The following FTO variants were observed in gnomAD, a reference collection of about 807,000 sequenced individuals.
The protein encoded by FTO is alpha-ketoglutarate-dependent dioxygenase FTO.
A neutral mutation model predicts 63.9 loss-of-function variants in FTO; 47 were observed. The observed-to-expected ratio is 0.74, with a 90% CI of 0.58 to 0.94. The LOEUF is 0.94. FTO is among the 40% of genes least tolerant of loss of function. The probability of loss-of-function intolerance (pLI) is 0.00; values close to 1 mark genes in which losing one functional copy is unlikely to be tolerated. For synonymous variants in FTO, 207 were observed against 224.4 expected (o/e 0.92, Z 0.69); for missense variants, 562 against 618.1 (o/e 0.91, Z 0.96).
chr16:54,062,132 A>G (rs1157550324), intron 8 of FTO, among the ~76,000 whole-genome samples: 1 of 152,246 alleles, frequency 6.6e-6, no homozygotes, highest in East Asian at 1.9e-4. Flanking sequence ...GCTCCATTTA[A>G]AAACAGAAAA....
chr16:53,932,983 A>G (rs1290024122), intron 7 of FTO, among the ~76,000 whole-genome samples: 1 of 152,208 alleles, frequency 6.6e-6, no homozygotes, highest in African/African-American at 2.4e-5. Flanking sequence ...ACTTTATACC[A>G]TGAAAGAAAA....
At chr16:54,101,370 G>A (rs1380206240) in intron 8 of FTO, among the ~76,000 whole-genome samples, 1 of 152,114 alleles carries the variant, frequency 6.6e-6, no homozygotes, top group African/African-American at 2.4e-5. Flanking sequence ...TTAAAAGTGA[G>A]AACATGCAGG....
At chr16:53,869,963 C>T (rs948458794) in intron 4 of FTO, among the ~76,000 whole-genome samples, 1 of 152,086 alleles carries the variant, frequency 6.6e-6, no homozygotes, top group African/African-American at 2.4e-5. Context: ...ATAAGAGGAA[C>T]TGCAGTAATA....
At chr16:54,089,090 C>T (rs530750015) in intron 8 of FTO, among the ~76,000 whole-genome samples, 38 of 152,292 alleles carry the variant, frequency 2.5e-4, no homozygotes, top group African/African-American at 7.7e-4. Flanking sequence ...CAGGTACTGT[C>T]ATTCCTCTGG....
chr16:54,018,691 C>G (rs1416526913), intron 8 of FTO, among the ~76,000 whole-genome samples: 1 of 152,108 alleles, frequency 6.6e-6, no homozygotes, highest in African/African-American at 2.4e-5. Context: ...GGGGCTTCCC[C>G]CTTTACTGGG....
At chr16:53,951,768 A>G (rs991383859) in intron 8 of FTO, among the ~76,000 whole-genome samples, 2 of 151,980 alleles carry the variant, frequency 1.3e-5, no homozygotes, top group African/African-American at 4.8e-5. Flanking sequence ...TATTGGATCC[A>G]TGGTTTTCAA....
intron 1 of FTO, among the ~76,000 whole-genome samples, chr16:53,782,901 G>A (rs2077623512): frequency 6.6e-6 from 1 of 152,186 alleles, no homozygotes; most frequent in Non-Finnish European, 1.5e-5. Flanking sequence ...AATCTTGTCT[G>A]TCTTAGTCAC....
chr16:53,794,176 T>C (rs1311838230), intron 1 of FTO, among the ~76,000 whole-genome samples: 1 of 152,252 alleles, frequency 6.6e-6, no homozygotes, highest in Non-Finnish European at 1.5e-5. Context: ...GAAGTCTTAA[T>C]AGTGCATACG....
intron 4 of FTO, among the ~76,000 whole-genome samples, chr16:53,873,077 C>T (rs2080545518): frequency 6.6e-6 from 1 of 152,140 alleles, no homozygotes; most frequent in Non-Finnish European, 1.5e-5. Flanking sequence ...AAACATGCAA[C>T]ATGCTGAGTT....
chr16:53,967,993 A>G (rs151335835), intron 8 of FTO, among the ~76,000 whole-genome samples: 1 of 152,202 alleles, frequency 6.6e-6, no homozygotes, highest in Non-Finnish European at 1.5e-5. Context: ...CATTTAATTA[A>G]TTTGTTTTAA....
intron 4 of FTO, among the ~76,000 whole-genome samples, chr16:53,847,457 G>T (rs763662111): frequency 2.0e-5 from 3 of 152,148 alleles, no homozygotes; most frequent in Non-Finnish European, 2.9e-5. Context: ...AAGGTTATGG[G>T]TTTCTCAGGG....
chr16:54,107,857 G>A lies in FTO; in HGVS notation c.1365-3905G>A, dbSNP rs561708105. Among the ~76,000 whole-genome samples, 21 of 152,302 alleles carry A rather than the reference G, an allele frequency of 1.4e-4. No individual in the cohort carries two copies. In the Middle Eastern group the frequency reaches 0.01, roughly 74 times the overall value. On this transcript the variant is annotated intron_variant, in intron 8 of 8. Coordinates refer to ENST00000471389, the MANE Select transcript of FTO (RefSeq NM_001080432.3). ...ACATCACACATCCTAATTGTTCATAGGCCAGGAGAGGAGAAAGTCTTTTCC... is the reference window on the plus strand; with the variant it reads ...ACATCACACATCCTAATTGTTCATAAGCCAGGAGAGGAGAAAGTCTTTTCC...
intron 7 of FTO, among the ~76,000 whole-genome samples, chr16:53,908,965 C>T (rs1237293410): frequency 2.6e-5 from 4 of 152,054 alleles, no homozygotes; most frequent in African/African-American, 9.7e-5. Flanking sequence ...AATGTGGTAA[C>T]CTTTGAGTCC....
intron 4 of FTO, among the ~76,000 whole-genome samples, chr16:53,853,135 A>G (rs1326826021): frequency 6.6e-6 from 1 of 152,190 alleles, no homozygotes; most frequent in Admixed American, 6.5e-5. Flanking sequence ...TCTACTAAAA[A>G]TACAAAAATT....
chr16:53,996,265 A>G (rs1334774577), intron 8 of FTO, among the ~76,000 whole-genome samples: 1 of 152,218 alleles, frequency 6.6e-6, no homozygotes, highest in African/African-American at 2.4e-5. Flanking sequence ...TAACTGATTC[A>G]GTTACTTTTA....
chr16:53,978,857 C>T (rs2083481505), intron 8 of FTO, among the ~76,000 whole-genome samples: 2 of 151,988 alleles, frequency 1.3e-5, no homozygotes, highest in African/African-American at 4.8e-5. Flanking sequence ...ATTAGCTAGG[C>T]ATGGTGGCAC....
At chr16:53,859,535 A>C (rs1260939879) in intron 4 of FTO, among the ~76,000 whole-genome samples, 2 of 148,762 alleles carry the variant, frequency 1.3e-5, no homozygotes, top group Non-Finnish European at 3.0e-5. Flanking sequence ...CTGTATATTA[A>C]ATATATTTTA....
chr16:53,950,214 G>A (rs12919848), intron 8 of FTO, among the ~76,000 whole-genome samples: 1 of 139,084 alleles, frequency 7.2e-6, no homozygotes, highest in African/African-American at 2.6e-5. Flanking sequence ...CTGTTCAGGT[G>A]CTATTTTAAT....
chr16:53,958,436 C>T (rs1416440314), intron 8 of FTO, among the ~76,000 whole-genome samples: 1 of 152,194 alleles, frequency 6.6e-6, no homozygotes, highest in Non-Finnish European at 1.5e-5. Flanking sequence ...CTTTTACATT[C>T]TGCTTCAGGC....
Sources: allele counts gnomAD v4.1 joint callset (sites outside exome capture counted in the v4.1 genomes callset), GRCh38; gene constraint gnomAD v4.1.1; transcripts MANE v1.5; gene names NCBI Gene and HGNC (gene_info 2026-07-23, HGNC 2026-07-21).